ALDH1A2: variants seen among roughly 807,000 people sequenced by gnomAD.
ALDH1A2 encodes aldehyde dehydrogenase 1 family member A2, also known as retinal dehydrogenase 2.
ALDH1A2 carries 27 observed loss-of-function variants against 60.3 expected under a neutral mutation model. The observed-to-expected ratio is 0.45, with a 90% CI of 0.33 to 0.62. The LOEUF is 0.62. Ranked by LOEUF, ALDH1A2 falls within the 20% of genes least tolerant of loss-of-function variation. The pLI is 0.02. For synonymous variants in ALDH1A2, 289 were observed against 232.4 expected, an observed-to-expected ratio of 1.24 and a Z score of -2.21; for missense variants, 581 against 643.8, an observed-to-expected ratio of 0.90 and a Z score of 1.06.
chr15:58,016,727 CAATT>C (rs1394885687), intron 1 of ALDH1A2, among the ~76,000 whole-genome samples: 2 of 151,846 alleles, frequency 1.3e-5, no homozygotes, highest in African/African-American at 4.8e-5. Flanking sequence ...CATCACTCAT[CAATT>C]ATTTCTAATT....
At chr15:58,009,656 C>T (rs540723536) in intron 4 of ALDH1A2, among the ~76,000 whole-genome samples, 11 of 151,602 alleles carry the variant, frequency 7.3e-5, no homozygotes, top group African/African-American at 1.7e-4. Context: ...TCTTTCAGTC[C>T]ATCCCTTTCC....
chr15:58,024,030 T>C (rs1240147475), intron 1 of ALDH1A2, among the ~76,000 whole-genome samples: 2 of 150,822 alleles, frequency 1.3e-5, no homozygotes, highest in Non-Finnish European at 3.0e-5. Flanking sequence ...GAGGTGGAGG[T>C]TGCAGTGAGC....
At chr15:57,976,922 C>G (rs963601443) in intron 7 of ALDH1A2, among the ~76,000 whole-genome samples, 1 of 152,154 alleles carries the variant, frequency 6.6e-6, no homozygotes, top group African/African-American at 2.4e-5. Flanking sequence ...TCTCCAGCAT[C>G]TGTTGTTTCC....
chr15:57,988,427 CA>C (rs1223863154), intron 7 of ALDH1A2, among the ~76,000 whole-genome samples: 2 of 152,106 alleles, frequency 1.3e-5, no homozygotes, highest in African/African-American at 4.8e-5. Context: ...GAAAACAAAT[CA>C]AAATGGGGGA....
chr15:57,955,536 A>C (rs1351348362), intron 12 of ALDH1A2, among the ~76,000 whole-genome samples: 15 of 152,226 alleles, frequency 9.9e-5, no homozygotes, highest in Non-Finnish European at 7.3e-5. Flanking sequence ...TTGTTTTCAC[A>C]ATACTGCACA....
In ALDH1A2 at chr15:58,026,756, T is replaced by C. The variant is rs550041579; in HGVS notation, c.118-12475A>G. On this transcript the variant is annotated intron_variant, in intron 1 of 12. Coordinates refer to ENST00000249750, the MANE Select transcript of ALDH1A2 (RefSeq NM_003888.4). ...CGGCGGGTCCCATGCCCACGGAGCC[T>C]TGCTCACTGCTAGTGCAGCAGTCTG... Among the ~76,000 whole-genome samples, 8 of 152,290 alleles carry C rather than the reference T, an allele frequency of 5.3e-5. No homozygotes were observed. In the East Asian group the frequency reaches 5.8e-4, roughly 11 times the overall value.
intron 5 of ALDH1A2, among the ~76,000 whole-genome samples, chr15:57,993,938 G>C (rs1293868042): frequency 1.3e-5 from 2 of 152,174 alleles, no homozygotes; most frequent in African/African-American, 4.8e-5. Flanking sequence ...CAAGTGTCTT[G>C]CCTTCACCAA....
chr15:57,973,604 C>G lies in ALDH1A2; in HGVS notation c.799-7777G>C, dbSNP rs1027735638. On this transcript the variant is annotated intron_variant, in intron 7 of 12. Transcript: ENST00000249750. ...AAAAGGGGTTTGGGGATTATGTGAT[C>G]GTTTGATTTGCCTGTGAAAATTCTC... is the stretch of plus-strand genomic sequence containing the variant. Among the ~76,000 whole-genome samples the G allele has an allele frequency of 3.3e-5, 5 of 152,272 alleles. No individual in the cohort carries two copies. The East Asian group carries it at 9.6e-4, about 29-fold the overall frequency.
intron 7 of ALDH1A2, among the ~76,000 whole-genome samples, chr15:57,975,878 G>A (rs1460867914): frequency 1.3e-5 from 2 of 152,006 alleles, no homozygotes; most frequent in African/African-American, 4.8e-5. Context: ...AACATGTGAG[G>A]GTGAGGGACA....
intron 1 of ALDH1A2, among the ~76,000 whole-genome samples, chr15:58,027,825 A>G (rs1298426847): frequency 2.6e-5 from 4 of 152,138 alleles, no homozygotes; most frequent in Admixed American, 2.0e-4. Context: ...TTAATGAAAT[A>G]AAGCGAGAAA....
At chr15:58,065,075 C>G (rs1278292527) in intron 1 of ALDH1A2, 1 of 236,566 alleles carries the variant, frequency 4.2e-6, no homozygotes, top group Non-Finnish European at 8.5e-6. Flanking sequence ...CCCTCAGCAC[C>G]CTCCGGGCTG....
rs1246142421 is a variant in ALDH1A2, at chr15:57,984,470, TTCTA to T, written c.798+8231_798+8234del. Among the ~76,000 whole-genome samples the T allele has an allele frequency of 9.2e-5, 14 of 152,328 alleles. No individual in the cohort carries two copies. In the East Asian group the frequency reaches 1.2e-3, roughly 13 times the overall value. ...GTTGTGCATCCATCACAACCATTAC[TTCTA>T]TCTGAGGACATAAATACCCCAAAAA... On this transcript the variant is annotated intron_variant, in intron 7 of 12. Transcript: ENST00000249750.
intron 7 of ALDH1A2, among the ~76,000 whole-genome samples, chr15:57,985,262 G>C (rs1443932937): frequency 6.6e-6 from 1 of 152,040 alleles, no homozygotes; most frequent in Non-Finnish European, 1.5e-5. Flanking sequence ...TCGAGTTGTT[G>C]ACTAACACTG....
rs1156893427 is a variant in ALDH1A2, at chr15:57,953,799, A to T, written c.*1398T>A. The T allele has an allele frequency of 6.6e-6, 1 of 152,362 alleles. No individual in the cohort carries two copies. Among genetic ancestry groups the T allele is most frequent in the Non-Finnish European group, 1.5e-5 (1 of 68,038 alleles). The allele number at this position is 152,362 out of a possible 1,614,324, so 9.4% of individuals were successfully genotyped here. A position where few individuals can be genotyped will look rare whatever the true frequency, so the allele number is the denominator to read the frequency against. The stretch of plus-strand genomic sequence containing the variant: ...GCCCATATTCCACATACTCTGGGTT[A>T]TGTTTGGTACTTTTAAATAAATGAT... On this transcript the variant is annotated 3_prime_UTR_variant, in exon 13 of 13. Transcript: ENST00000249750.
chr15:58,015,241 G>C (rs1301106739), intron 1 of ALDH1A2, among the ~76,000 whole-genome samples: 1 of 152,130 alleles, frequency 6.6e-6, no homozygotes, highest in African/African-American at 2.4e-5. Context: ...ATTATTTAGT[G>C]CCTGCCATTT....
At chr15:58,015,017 G>C (rs1469332966) in intron 1 of ALDH1A2, among the ~76,000 whole-genome samples, 1 of 152,188 alleles carries the variant, frequency 6.6e-6, no homozygotes, top group African/African-American at 2.4e-5. Flanking sequence ...TTTCTCACAA[G>C]ATTTGTAATA....
At chr15:57,985,764 C>A (rs372760672) in intron 7 of ALDH1A2, among the ~76,000 whole-genome samples, 16 of 152,260 alleles carry the variant, frequency 1.1e-4, no homozygotes, top group Admixed American at 6.5e-4. Flanking sequence ...AAGAGAATGT[C>A]CTCCCCACAA....
At chr15:57,989,145 T>C (rs1260897039) in intron 7 of ALDH1A2, among the ~76,000 whole-genome samples, 1 of 152,192 alleles carries the variant, frequency 6.6e-6, no homozygotes, top group African/African-American at 2.4e-5. Flanking sequence ...CAAGACTCCA[T>C]CTCAAAAATG....
chr15:57,963,818 A>G (rs1211602960), intron 9 of ALDH1A2, 67 bp downstream of exon 9: 28 of 1,544,148 alleles, frequency 1.8e-5, no homozygotes, highest in Non-Finnish European at 2.3e-5. Context: ...GGGACCTACT[A>G]CAGTGTACAC....
Sources: gnomAD v4.1 joint callset for allele counts (sites outside exome capture counted in the v4.1 genomes callset) on GRCh38, gnomAD v4.1.1 for gene constraint, MANE v1.5 for transcripts, NCBI Gene and HGNC (gene_info 2026-07-23, HGNC 2026-07-21) for gene names.